The following VAC14 variants were observed in gnomAD, a reference collection of about 807,000 sequenced individuals.
The protein encoded by VAC14 is VAC14 component of PIKFYVE complex, also known as protein VAC14 homolog.
A neutral mutation model predicts 85.3 loss-of-function variants in VAC14; 47 were observed. The ratio of observed to expected loss-of-function variants is 0.55; its 90% CI spans 0.44 to 0.70. VAC14 has a LOEUF of 0.70. VAC14 is among the 30% of genes least tolerant of loss of function. The pLI, the probability that VAC14 is intolerant of heterozygous loss-of-function variation, is 0.00. For synonymous variants in VAC14, 447 were observed against 430.5 expected, an observed-to-expected ratio of 1.04 and a Z score of -0.47; for missense variants, 861 against 1,004.3, an observed-to-expected ratio of 0.86 and a Z score of 1.93.
chr16:70,692,664 G>A (rs1597845566), intron 18 of VAC14, among the ~76,000 whole-genome samples, 157 bp downstream of exon 18: 1 of 149,824 alleles, frequency 6.7e-6, no homozygotes, highest in South Asian at 2.1e-4. Context: ...CAAGGGGCAA[G>A]TGGCTGCGGG....
In VAC14 at chr16:70,723,569, C is replaced by G. The variant is rs140378421; in HGVS notation, c.1661+7926G>C. ...CAAATCTTTCCAAGTTTCCTGGCAT[C>G]CTTAGGTGAAGTCTAAATAGTGAGA... On this transcript the variant is annotated intron_variant, in intron 14 of 18. Coordinates refer to ENST00000261776, the MANE Select transcript of VAC14 (RefSeq NM_018052.5). 1.3e-3 allele frequency among the ~76,000 whole-genome samples: 205 copies of G among 152,344 alleles called. 1 individual carries two copies. The highest frequency in any genetic ancestry group is 2.5e-3 in the Non-Finnish European group (170 of 68,026).
intron 14 of VAC14, chr16:70,716,399 T>C (rs1363100515): frequency 6.6e-6 from 1 of 152,340 alleles, no homozygotes; most frequent in African/African-American, 2.4e-5. Context: ...AACTCCCCAG[T>C]GCTCTTGTCC....
At chr16:70,692,065 T>C in intron 18 of VAC14, 21 of 982,846 alleles carry the variant, frequency 2.1e-5, no homozygotes, top group Non-Finnish European at 2.5e-5. Flanking sequence ...AAGTGAAATT[T>C]TCCATCTCGG....
chr16:70,719,130 C>T (rs780014584), intron 14 of VAC14, among the ~76,000 whole-genome samples: 3 of 152,168 alleles, frequency 2.0e-5, no homozygotes, highest in African/African-American at 4.8e-5. Flanking sequence ...GGCAGGATGG[C>T]TAGGAAACTT....
intron 1 of VAC14, among the ~76,000 whole-genome samples, chr16:70,795,494 T>TAA (rs71153603): frequency 1.4e-3 from 132 of 91,896 alleles, no homozygotes; most frequent in Non-Finnish European, 2.5e-3. Context: ...AGACTCTGTC[T>TAA]AAAAAAAAAA....
chr16:70,759,055 C>T lies in VAC14; in HGVS notation c.1371+3485G>A, dbSNP rs558677775. On this transcript the variant is annotated intron_variant, in intron 12 of 18. Transcript: ENST00000261776. Reference sequence around the variant, plus strand: ...CGAGACACCCCAGCGAGGCCACGCACCCGTGGGACTGACAGAGATGGTGGT... The same window carrying T: ...CGAGACACCCCAGCGAGGCCACGCATCCGTGGGACTGACAGAGATGGTGGT... Among the ~76,000 whole-genome samples the T allele has an allele frequency of 3.5e-4, 54 of 152,312 alleles. No individual in the cohort carries two copies. In the Middle Eastern group the frequency reaches 0.034, roughly 96 times the overall value.
intron 8 of VAC14, 109 bp downstream of exon 8, chr16:70,781,760 G>A: frequency 1.4e-6 from 2 of 1,440,126 alleles, no homozygotes; most frequent in Non-Finnish European, 1.9e-6. Flanking sequence ...TAGGGACTAT[G>A]GAAGTGTGAT....
At chr16:70,759,924 C>T (rs1033630475) in intron 12 of VAC14, among the ~76,000 whole-genome samples, 2 of 152,180 alleles carry the variant, frequency 1.3e-5, no homozygotes, top group Admixed American at 6.5e-5. Flanking sequence ...TAGCTGTGTG[C>T]AGGTCATGTG....
chr16:70,792,099 C>T (rs902488771), intron 1 of VAC14, among the ~76,000 whole-genome samples: 2 of 152,148 alleles, frequency 1.3e-5, no homozygotes, highest in African/African-American at 2.4e-5. Flanking sequence ...CAGGTGAAGG[C>T]GTCCTCTAAC....
chr16:70,761,560 C>T (rs751506069), intron 12 of VAC14, among the ~76,000 whole-genome samples: 3 of 152,206 alleles, frequency 2.0e-5, no homozygotes, highest in Admixed American at 6.5e-5. Flanking sequence ...AGGAACACCA[C>T]GCAATGGGCA....
rs955434186 is a variant in VAC14 at position 70,752,535 on chromosome 16, T to A, written c.1372-7956A>T. On this transcript the variant is annotated intron_variant, in intron 12 of 18. Transcript: ENST00000261776. The stretch of plus-strand genomic sequence containing the variant: ...GCTGGGCAGGGAACGGGGTGGTGCC[T>A]GCTGCACTGAGAGCAGCACGAGAGT... Among the ~76,000 whole-genome samples the A allele has an allele frequency of 2.0e-5, 3 of 152,344 alleles. No individual in the cohort carries two copies. In the South Asian group the frequency reaches 6.2e-4, roughly 32 times the overall value.
intron 1 of VAC14, among the ~76,000 whole-genome samples, chr16:70,793,240 T>C (rs1057069352): frequency 6.6e-6 from 1 of 152,230 alleles, no homozygotes; most frequent in Admixed American, 6.5e-5. Context: ...AATGAGGCTC[T>C]AGCGCTGGTC....
chr16:70,694,694 C>G (rs749627895), intron 17 of VAC14, among the ~76,000 whole-genome samples: 3 of 152,234 alleles, frequency 2.0e-5, no homozygotes, highest in Non-Finnish European at 2.9e-5. Flanking sequence ...ATTATAAGCA[C>G]ATAAGCGTCA....
At chr16:70,715,641 CTAATTTCCAGGGCTATAA>C (rs1373145253) in intron 14 of VAC14, 1 of 152,274 alleles carries the variant, frequency 6.6e-6, no homozygotes, top group Non-Finnish European at 1.5e-5. Context: ...CAGCTGTGGC[CTAATTTCCAGGGCTATAA>C]CCGGGCTCCT....
At chr16:70,800,066 CACTT>C (rs2034705325) in intron 1 of VAC14, among the ~76,000 whole-genome samples, 1 of 152,074 alleles carries the variant, frequency 6.6e-6, no homozygotes, top group African/African-American at 2.4e-5. Flanking sequence ...ATCACTCACT[CACTT>C]GACTTTAACA....
At chr16:70,782,768 A>G (rs751198085) in intron 7 of VAC14, among the ~76,000 whole-genome samples, 17 of 152,214 alleles carry the variant, frequency 1.1e-4, no homozygotes, top group Non-Finnish European at 1.9e-4. Flanking sequence ...TTCACCAGTA[A>G]GGAAACCTCC....
intron 9 of VAC14, among the ~76,000 whole-genome samples, chr16:70,777,799 AAAG>A (rs1166623028): frequency 3.3e-5 from 5 of 152,328 alleles, no homozygotes; most frequent in Admixed American, 2.0e-4. Flanking sequence ...ACAAGTAAAC[AAAG>A]AAGGCCAGGC....
At chr16:70,760,463 C>G (rs577556838) in intron 12 of VAC14, among the ~76,000 whole-genome samples, 164 of 152,234 alleles carry the variant, frequency 1.1e-3, no homozygotes, top group Non-Finnish European at 1.8e-3. Context: ...GGGGTAAGAT[C>G]AGGACTCATC....
chr16:70,774,828 C>A (rs1319246368), intron 9 of VAC14, among the ~76,000 whole-genome samples: 1 of 150,364 alleles, frequency 6.7e-6, no homozygotes, highest in Non-Finnish European at 1.5e-5. Flanking sequence ...TCACTGTAAC[C>A]TCCGCCTCCC....
Sources: gnomAD v4.1 joint callset for allele counts (sites outside exome capture counted in the v4.1 genomes callset) on GRCh38, gnomAD v4.1.1 for gene constraint, MANE v1.5 for transcripts, NCBI Gene and HGNC (gene_info 2026-07-23, HGNC 2026-07-21) for gene names.